Variants in PBXIP1 observed in about 807,000 individuals in gnomAD.
The protein encoded by PBXIP1 is pre-B-cell leukemia transcription factor-interacting protein 1.
Under a neutral mutation model 73.7 loss-of-function variants are expected in PBXIP1, and 73 were observed. That is an observed-to-expected ratio of 0.99 (90% CI 0.82 to 1.20). PBXIP1 has a LOEUF of 1.20. PBXIP1 is among the 50% of genes most tolerant of loss of function. The pLI, the probability that PBXIP1 is intolerant of heterozygous loss-of-function variation, is 0.00. For synonymous variants in PBXIP1, 330 were observed against 366.9 expected, an observed-to-expected ratio of 0.90 and a Z score of 1.15; for missense variants, 818 against 911.4, an observed-to-expected ratio of 0.90 and a Z score of 1.32.
Position 154,948,303 on chromosome 1 carries a change from C to T in PBXIP1, c.473G>A (p.Gly158Asp), listed in dbSNP as rs368801895. The change falls in exon 6 of 11, where the codon GGT (glycine) becomes GAT (aspartate). Residue 158 changes from glycine (G) to aspartate (D), a missense_variant. By Grantham distance (94) the Gly-to-Asp change is moderately conservative. Transcript: ENST00000368463. ...SDDDTDVDMEGLRRRRGREAG... is the reference protein window; with the variant it reads ...SDDDTDVDMEDLRRRRGREAG... ...CTCCCGGCCCCGCCGTCTCCGCAGA[C>T]CCTCCATGTCCACGTCGGTGTCATC... 1.9e-6 allele frequency: 3 copies of T among 1,611,226 alleles called. No individual in the cohort carries two copies. The highest frequency in any genetic ancestry group is 3.4e-4 in the Middle Eastern group (2 of 5,920).
At position 154,947,440 on chromosome 1, in the gene PBXIP1, G is replaced by T. The variant is rs202026941; in HGVS notation, c.847C>A (p.Arg283=). The change falls in exon 9 of 11, where the codon CGG becomes AGG. Residue 283 remains arginine (R), a synonymous_variant. Transcript: ENST00000368463. ...DKLAKENQDI[R]LLQAQLQAQK... is the part of the protein sequence containing the mutation. ...ACCTGCAGCTGGGCCTGCAGCAGCC[G>T]GATGTCCTGGTTCTCCTTGGCCAGC... is the stretch of plus-strand genomic sequence containing the variant. 22 of 1,614,022 alleles carry T rather than the reference G, an allele frequency of 1.4e-5. No homozygotes were observed. In the South Asian group the frequency reaches 2.4e-4, roughly 18 times the overall value.
chr1:154,952,875 C>T (rs2101989140), intron 2 of PBXIP1, among the ~76,000 whole-genome samples: 1 of 152,322 alleles, frequency 6.6e-6, no homozygotes, highest in South Asian at 2.1e-4. Context: ...CAACTCCTTA[C>T]TCCCAGCTGG....
Position 154,947,671 on chromosome 1 carries a change from C to A in PBXIP1, c.709G>T (p.Glu237Ter). 1 of 1,613,932 alleles carries A rather than the reference C, an allele frequency of 6.2e-7. No homozygotes were observed. Among genetic ancestry groups the A allele is most frequent in the Non-Finnish European group, 8.5e-7 (1 of 1,179,958 alleles). The change falls in exon 8 of 11, where the codon GAG becomes TAG. Residue 237 changes from glutamate (E) to a stop codon, truncating the protein, a stop_gained. Coordinates refer to ENST00000368463, the MANE Select transcript of PBXIP1 (RefSeq NM_020524.4). LOFTEE classifies it high-confidence loss of function. ...EVERQVLPDPEVLEAVGDRQD... is the reference protein window; with the variant it reads ...EVERQVLPDP ...CTGTCCCCCACAGCTTCCAGCACCT[C>A]GGGGTCTGGGAGGACCTGCCGCTCC...
chr1:154,955,256 C>T (rs369480530), intron 1 of PBXIP1, among the ~76,000 whole-genome samples: 2 of 152,112 alleles, frequency 1.3e-5, no homozygotes, highest in Non-Finnish European at 2.9e-5. Context: ...ATCTCCCCAT[C>T]CCCAGTTGCT....
intron 5 of PBXIP1, among the ~76,000 whole-genome samples, chr1:154,950,960 T>C (rs1558039986): frequency 3.3e-5 from 5 of 151,770 alleles, no homozygotes; most frequent in African/African-American, 9.7e-5. Flanking sequence ...GAAATGAGGG[T>C]TGAATTCTGG....
At position 154,946,522 on chromosome 1, in the gene PBXIP1, C is replaced by A. The variant is rs1253937027; in HGVS notation, c.1152G>T (p.Lys384Asn). 1 of 1,611,006 alleles carries A rather than the reference C, an allele frequency of 6.2e-7. No individual in the cohort carries two copies. The highest frequency in any genetic ancestry group is 1.3e-5 in the African/African-American group (1 of 75,074). ...QEPELSFLKQ[K>N]EQLEAEAQAL... ...CCTGTGCCTCAGCCTCCAGCTGTTC[C>A]TTCTGCTTCAGGAAGCTGAGTTCTG... The change falls in exon 10 of 11, where the codon AAG becomes AAT. Residue 384 changes from lysine (K) to asparagine (N), a missense_variant. Transcript: ENST00000368463.
intron 2 of PBXIP1, among the ~76,000 whole-genome samples, 181 bp from the exon 3 acceptor site, chr1:154,952,102 TA>T (rs1235460706): frequency 6.6e-6 from 1 of 152,184 alleles, no homozygotes; most frequent in Admixed American, 6.5e-5. Context: ...AGGTTTCCGC[TA>T]CACAGCGCCG....
chr1:154,946,156 TC>T lies in PBXIP1; in HGVS notation c.1517del (p.Gly506GlufsTer73). The T allele has an allele frequency of 6.2e-7, 1 of 1,614,070 alleles. No homozygotes were observed. Among genetic ancestry groups the T allele is most frequent in the Non-Finnish European group, 8.5e-7 (1 of 1,180,002 alleles). ...ESGRERKKNWGGQEDREPAGR... is the reference protein window; with the variant it reads ...ESGRERKKNWXGQEDREPAGR... Reference sequence around the variant, plus strand: ...CTGCTGGCTCCCTGTCCTCCTGACCTCCCCAGTTCTTCTTCCTTTCCCGGCC... The same window carrying T: ...CTGCTGGCTCCCTGTCCTCCTGACCTCCCAGTTCTTCTTCCTTTCCCGGCC... On this transcript the variant is annotated frameshift_variant, in exon 10 of 11. Transcript: ENST00000368463. LOFTEE classifies it high-confidence loss of function.
In PBXIP1 at chr1:154,945,275, G is replaced by A. The variant is rs111434745; in HGVS notation, c.2103-158C>T. On this transcript the variant is annotated intron_variant, in intron 10 of 10. Coordinates refer to ENST00000368463, the MANE Select transcript of PBXIP1 (RefSeq NM_020524.4). ...GTCTCCCAGGATAAAGGCTCCAGTCGGGGAGACAGGAAGATGGGGATCTCC... is the reference window on the plus strand; with the variant it reads ...GTCTCCCAGGATAAAGGCTCCAGTCAGGGAGACAGGAAGATGGGGATCTCC... Among the ~76,000 whole-genome samples, 268 of 152,260 alleles carry A rather than the reference G, an allele frequency of 1.8e-3. 2 individuals carry two copies. The highest frequency in any genetic ancestry group is 0.01 in the Middle Eastern group (3 of 294).
chr1:154,948,438 C>T, intron 5 of PBXIP1, 72 bp from the exon 6 acceptor site: 2 of 1,130,262 alleles, frequency 1.8e-6, no homozygotes, highest in Admixed American at 4.6e-5. Flanking sequence ...AGAGGGGAAT[C>T]AGAGGAAGGC....
At chr1:154,945,540 C>G (rs756518179) in intron 10 of PBXIP1, 32 bp downstream of exon 10, 1 of 1,594,248 alleles carries the variant, frequency 6.3e-7, no homozygotes, top group Non-Finnish European at 8.6e-7. Context: ...TGCCTCTGTC[C>G]CACCCGACCC....
intron 2 of PBXIP1, among the ~76,000 whole-genome samples, chr1:154,952,404 T>C (rs1427822600): frequency 6.6e-6 from 1 of 151,208 alleles, no homozygotes; most frequent in Non-Finnish European, 1.5e-5. Flanking sequence ...CCCCTGACAC[T>C]CCCCCGACAC....
Position 154,947,554 on chromosome 1 carries a change from G to A in PBXIP1, c.739-6C>T. On this transcript the variant is annotated splice_polypyrimidine_tract_variant and splice_region_variant and intron_variant, in intron 8 of 10. Coordinates refer to ENST00000368463, the MANE Select transcript of PBXIP1 (RefSeq NM_020524.4). ...AGCTGTTCCCTTAGCCCATCCTGAG[G>A]GCAGAAGAGCCTGTTATGCCATGCT... 3 of 1,603,386 alleles carry A rather than the reference G, an allele frequency of 1.9e-6. No individual in the cohort carries two copies. The highest frequency in any genetic ancestry group is 2.6e-6 in the Non-Finnish European group (3 of 1,173,294).
At chr1:154,948,414 G>A in intron 5 of PBXIP1, 48 bp from the exon 6 acceptor site, 1 of 1,296,422 alleles carries the variant, frequency 7.7e-7, no homozygotes, top group Non-Finnish European at 1.1e-6. Context: ...GGAGAGATGG[G>A]GAGACACAGG....
At chr1:154,948,049 G>C in intron 6 of PBXIP1, 44 bp from the exon 7 acceptor site, 1 of 1,600,798 alleles carries the variant, frequency 6.2e-7, no homozygotes, top group Non-Finnish European at 8.5e-7. Context: ...CTCGGGGAGG[G>C]GTGATGTGAG....
At chr1:154,949,228 C>T (rs956262317) in intron 5 of PBXIP1, among the ~76,000 whole-genome samples, 14 of 151,902 alleles carry the variant, frequency 9.2e-5, no homozygotes, top group African/African-American at 1.7e-4. Flanking sequence ...TGCAGTGGCA[C>T]GATCACAACT....
Position 154,952,031 on chromosome 1 carries a change from C to A in PBXIP1, c.52-110G>T. The stretch of plus-strand genomic sequence containing the variant: ...AGCTGGCCCAAAAAGGGGCTCGGGG[C>A]AGCACCAAGTGCTCGGCATTCCCCA... On this transcript the variant is annotated intron_variant, in intron 2 of 10. Transcript: ENST00000368463. 2.5e-6 allele frequency: 3 copies of A among 1,196,658 alleles called. No homozygotes were observed. In the South Asian group the frequency reaches 4.6e-5, roughly 18 times the overall value. 74.1% of individuals were successfully genotyped at this position (1,196,658 alleles called of 1,614,324 possible).
At chr1:154,945,512 T>C (rs1654772259) in intron 10 of PBXIP1, 60 bp downstream of exon 10, 1 of 1,523,926 alleles carries the variant, frequency 6.6e-7, no homozygotes. Context: ...TGATCCTTGC[T>C]CTTCACATCC....
At position 154,951,619 on chromosome 1, in the gene PBXIP1, A is replaced by T; in HGVS notation, c.179-84T>A. On this transcript the variant is annotated intron_variant, in intron 3 of 10. Coordinates refer to ENST00000368463, the MANE Select transcript of PBXIP1 (RefSeq NM_020524.4). This position sits in a 1 kb window ranked among gnomAD's most constrained non-coding sequence, Gnocchi z 4.3. ...CCCTCTGTCCATCCCACGGGCCCCT[A>T]CCAGGTTGGAAGAGGCAGGAAAAAG... 6.8e-7 allele frequency: 1 copy of T among 1,476,826 alleles called. No homozygotes were observed. Among genetic ancestry groups the T allele is most frequent in the Non-Finnish European group, 9.5e-7 (1 of 1,057,004 alleles). 91.5% of individuals were successfully genotyped at this position (1,476,826 alleles called of 1,614,324 possible). A position where few individuals can be genotyped will look rare whatever the true frequency, so the allele number is the denominator to read the frequency against.
Sources: allele counts gnomAD v4.1 joint callset (sites outside exome capture counted in the v4.1 genomes callset), GRCh38; gene constraint gnomAD v4.1.1; non-coding constraint Gnocchi (gnomAD v3.1); transcripts MANE v1.5; gene names NCBI Gene and HGNC (gene_info 2026-07-23, HGNC 2026-07-21).